The following RARB variants were observed in gnomAD, a reference collection of about 807,000 sequenced individuals.
RARB encodes the protein HBV-activated protein.
A neutral mutation model predicts 51.9 loss-of-function variants in RARB; 17 were observed. That is an observed-to-expected ratio of 0.33 (90% CI 0.22 to 0.49). The LOEUF (loss-of-function observed/expected upper bound fraction) is 0.49. Among genes scored for constraint, RARB ranks in the 20% least tolerant of loss-of-function variants. RARB has a pLI of 0.99. For synonymous variants in RARB, 215 were observed against 195.4 expected, an observed-to-expected ratio of 1.10 and a Z score of -0.84; for missense variants, 369 against 550.8, an observed-to-expected ratio of 0.67 and a Z score of 3.30.
At chr3:24,933,046 A>G (rs1172214607) in intron 2 of RARB, among the ~76,000 whole-genome samples, 3 of 152,116 alleles carry the variant, frequency 2.0e-5, no homozygotes, top group Admixed American at 6.6e-5. Context: ...TGACATTTCA[A>G]TGTATAGCTG....
At chr3:25,032,817 T>C (rs1697902833) in intron 2 of RARB, among the ~76,000 whole-genome samples, 1 of 152,226 alleles carries the variant, frequency 6.6e-6, no homozygotes. Flanking sequence ...TGCAAATGTA[T>C]TTATAAAAGT....
At chr3:25,009,054 G>C (rs751699574) in intron 2 of RARB, among the ~76,000 whole-genome samples, 3 of 152,142 alleles carry the variant, frequency 2.0e-5, no homozygotes, top group Non-Finnish European at 2.9e-5. Context: ...GAAGTTGCTG[G>C]TCCCTTCTAA....
intron 2 of RARB, among the ~76,000 whole-genome samples, chr3:24,903,169 G>A (rs1703643252): frequency 2.6e-5 from 4 of 152,006 alleles, no homozygotes; most frequent in Admixed American, 2.6e-4. Flanking sequence ...ATAGATAACT[G>A]TAATGATAAC....
intron 5 of RARB, among the ~76,000 whole-genome samples, chr3:25,220,472 C>T (rs896190025): frequency 2.0e-5 from 3 of 152,102 alleles, no homozygotes; most frequent in Non-Finnish European, 4.4e-5. Context: ...GTGTCCCCAC[C>T]CAAATCTCAA....
intron 2 of RARB, among the ~76,000 whole-genome samples, chr3:24,887,582 T>C (rs1182324128): frequency 6.6e-6 from 1 of 152,186 alleles, no homozygotes; most frequent in African/African-American, 2.4e-5. Flanking sequence ...TGAACAATAG[T>C]TTTTACACTT....
chr3:25,262,652 G>T (rs955116089), intron 5 of RARB, among the ~76,000 whole-genome samples: 1 of 152,124 alleles, frequency 6.6e-6, no homozygotes, highest in African/African-American at 2.4e-5. Flanking sequence ...CTATTGTTCT[G>T]CTTTCCTCTT....
intron 5 of RARB, among the ~76,000 whole-genome samples, chr3:25,400,487 A>G (rs2125493943): frequency 1.3e-5 from 2 of 152,254 alleles, no homozygotes; most frequent in South Asian, 4.1e-4. Context: ...GAGGTTTCGA[A>G]GAAAGAAGGT....
chr3:25,134,600 T>C (rs4858710), intron 4 of RARB, among the ~76,000 whole-genome samples: 124,224 of 151,884 alleles, frequency 0.82, 50,959 homozygotes, highest in Non-Finnish European at 0.85. Flanking sequence ...TATGTGCTTA[T>C]TCTCTGTCAA....
At chr3:25,247,753 G>C (rs761646162) in intron 5 of RARB, among the ~76,000 whole-genome samples, 1 of 152,230 alleles carries the variant, frequency 6.6e-6, no homozygotes, top group Non-Finnish European at 1.5e-5. Flanking sequence ...GCAGATGGGA[G>C]CTGTTCCTAT....
intron 5 of RARB, among the ~76,000 whole-genome samples, chr3:25,332,152 G>A (rs1207203772): frequency 6.6e-6 from 1 of 152,084 alleles, no homozygotes; most frequent in African/African-American, 2.4e-5. Flanking sequence ...AGAAAAAGAG[G>A]GAATCCTCCC....
chr3:25,343,302 G>A (rs774566658), intron 5 of RARB, among the ~76,000 whole-genome samples: 1 of 152,076 alleles, frequency 6.6e-6, no homozygotes, highest in Non-Finnish European at 1.5e-5. Context: ...GGTCCCAGAA[G>A]AGTGCCATGC....
intron 5 of RARB, among the ~76,000 whole-genome samples, chr3:25,417,719 G>A (rs116446259): frequency 0.025 from 3,786 of 152,282 alleles, 73 homozygotes; most frequent in Non-Finnish European, 0.036. Context: ...TACAGCCTGG[G>A]AAAGTACAAG....
In RARB at chr3:25,173,168, A is replaced by C. The variant is rs542615607; in HGVS notation, c.-279-951A>C. On this transcript the variant is annotated intron_variant, in intron 4 of 11. Coordinates refer to the RARB transcript ENST00000383772. ...TTACAGCCAGCCCACTCTAGAATTT[A>C]AGCTTCTTCTATTCCCAGTCTCAAG... is the stretch of plus-strand genomic sequence containing the variant. 5.9e-5 allele frequency among the ~76,000 whole-genome samples: 9 copies of C among 152,348 alleles called. No individual in the cohort carries two copies. The East Asian group carries it at 1.7e-3, about 29-fold the overall frequency.
intron 2 of RARB, among the ~76,000 whole-genome samples, chr3:24,919,147 G>A (rs768957883): frequency 1.6e-4 from 25 of 152,140 alleles, no homozygotes; most frequent in Non-Finnish European, 3.5e-4. Context: ...AACACATTGA[G>A]AGCTTAATAA....
chr3:25,272,300 T>A (rs1436549834), intron 5 of RARB, among the ~76,000 whole-genome samples: 2 of 152,250 alleles, frequency 1.3e-5, no homozygotes, highest in African/African-American at 4.8e-5. Context: ...TGGTCAGGGC[T>A]GGTAGATATG....
intron 2 of RARB, among the ~76,000 whole-genome samples, chr3:25,011,984 C>G (rs1431298542): frequency 1.3e-5 from 2 of 152,170 alleles, no homozygotes; most frequent in Admixed American, 6.5e-5. Flanking sequence ...ACAGGGCAGA[C>G]AGGACTGACA....
chr3:25,431,256 G>GT (rs1327784203), intron 1 of RARB, among the ~76,000 whole-genome samples: 6 of 151,896 alleles, frequency 4.0e-5, no homozygotes, highest in Admixed American at 3.3e-4. Context: ...TCTGCTTTGA[G>GT]TTTTTTTTAT....
intron 2 of RARB, among the ~76,000 whole-genome samples, chr3:25,038,480 C>A (rs1698046695): frequency 6.6e-6 from 1 of 152,070 alleles, no homozygotes; most frequent in Non-Finnish European, 1.5e-5. Context: ...GAGACTGACC[C>A]CCACACATTG....
intron 5 of RARB, among the ~76,000 whole-genome samples, chr3:25,336,886 T>C (rs1305179223): frequency 6.6e-6 from 1 of 152,144 alleles, no homozygotes; most frequent in Non-Finnish European, 1.5e-5. Flanking sequence ...GCTGTGCTCC[T>C]CTCAGAACAG....
Sources: allele counts gnomAD v4.1 joint callset (sites outside exome capture counted in the v4.1 genomes callset), GRCh38; gene constraint gnomAD v4.1.1; transcripts MANE v1.5; gene names NCBI Gene and HGNC (gene_info 2026-07-23, HGNC 2026-07-21).